CFDP1: variants seen among roughly 807,000 people sequenced by gnomAD.
The protein encoded by CFDP1 is heterochromatin-stabilizing protein CFDP1.
CFDP1 carries 31 observed loss-of-function variants against 40.1 expected under a neutral mutation model. The ratio of observed to expected loss-of-function variants is 0.77; its 90% CI spans 0.58 to 1.04. CFDP1 has a LOEUF of 1.04. CFDP1 is among the 50% of genes least tolerant of loss of function. The pLI, the probability that CFDP1 is intolerant of heterozygous loss-of-function variation, is 0.00. For synonymous variants in CFDP1, 167 were observed against 120.0 expected (o/e 1.39, Z -2.56); for missense variants, 423 against 343.4 (o/e 1.23, Z -1.83).
chr16:75,433,111 C>T (rs979773727), intron 1 of CFDP1, among the ~76,000 whole-genome samples, 178 bp downstream of exon 1: 1 of 152,210 alleles, frequency 6.6e-6, no homozygotes, highest in Non-Finnish European at 1.5e-5. Context: ...AACCGCCACG[C>T]GCACACGCCT....
chr16:75,409,792 G>A (rs568609657), intron 4 of CFDP1, among the ~76,000 whole-genome samples: 2 of 152,252 alleles, frequency 1.3e-5, no homozygotes, highest in Admixed American at 1.3e-4. Flanking sequence ...TTAACCAGTG[G>A]TGAATCTGGA....
At chr16:75,299,398 T>TA in intron 6 of CFDP1, among the ~76,000 whole-genome samples, 1 of 150,222 alleles carries the variant, frequency 6.7e-6, no homozygotes, top group Non-Finnish European at 1.5e-5. Context: ...CCATCCTGGT[T>TA]AACACGGTGA....
At chr16:75,328,624 C>T (rs1402929269) in intron 5 of CFDP1, among the ~76,000 whole-genome samples, 1 of 106,688 alleles carries the variant, frequency 9.4e-6, no homozygotes, top group African/African-American at 3.5e-5. Context: ...AAAAAAAAAA[C>T]TAGAGTGGAG....
intron 4 of CFDP1, among the ~76,000 whole-genome samples, chr16:75,406,046 A>G (rs987008384): frequency 6.6e-6 from 1 of 151,766 alleles, no homozygotes; most frequent in Non-Finnish European, 1.5e-5. Flanking sequence ...GGTCAGGACC[A>G]CCTTGGGCAA....
intron 2 of CFDP1, among the ~76,000 whole-genome samples, chr16:75,413,395 C>T (rs796451449): frequency 3.3e-5 from 5 of 151,886 alleles, no homozygotes; most frequent in African/African-American, 1.2e-4. Flanking sequence ...ACTTTCATCA[C>T]AACAAGATGA....
chr16:75,412,704 G>C lies in CFDP1; in HGVS notation c.233C>G (p.Ala78Gly). 3.1e-6 allele frequency: 5 copies of C among 1,613,838 alleles called. No homozygotes were observed. Among genetic ancestry groups the C allele is most frequent in the Non-Finnish European group, 4.2e-6 (5 of 1,179,996 alleles). Residue 78 changes from alanine (A) to glycine (G), a missense_variant, in exon 3 of 7, where the codon GCC becomes GGC. Transcript: ENST00000283882. ...ACTGCTTCCCTCAGATTCTGAATTGGCATCCTCCTCTTCCTCTTCTTCTAA... is the reference window on the plus strand; with the variant it reads ...ACTGCTTCCCTCAGATTCTGAATTGCCATCCTCCTCTTCCTCTTCTTCTAA... The part of the protein sequence containing the change: ...LSLEEEEEED[A>G]NSESEGSSSE...
At chr16:75,319,985 T>C (rs2078350651) in intron 5 of CFDP1, among the ~76,000 whole-genome samples, 1 of 152,240 alleles carries the variant, frequency 6.6e-6, no homozygotes, top group Non-Finnish European at 1.5e-5. Context: ...TAACCACAGC[T>C]GAGCCATCTG....
intron 3 of CFDP1, 110 bp downstream of exon 3, chr16:75,412,425 C>A: frequency 1.2e-6 from 1 of 836,144 alleles, no homozygotes. Flanking sequence ...TTGCTTTTCA[C>A]TTAGTACAAT....
At chr16:75,425,316 G>C (rs932414319) in intron 1 of CFDP1, among the ~76,000 whole-genome samples, 1 of 150,984 alleles carries the variant, frequency 6.6e-6, no homozygotes, top group East Asian at 1.9e-4. Context: ...GAACCTGGGA[G>C]GTAGAGGTTG....
At chr16:75,432,596 C>T (rs1251846281) in intron 1 of CFDP1, among the ~76,000 whole-genome samples, 1 of 152,012 alleles carries the variant, frequency 6.6e-6, no homozygotes, top group Non-Finnish European at 1.5e-5. Context: ...ATAGGGACGA[C>T]TCCTGGGTTG....
chr16:75,397,044 G>C (rs1293411554), intron 4 of CFDP1, among the ~76,000 whole-genome samples: 1 of 151,994 alleles, frequency 6.6e-6, no homozygotes, highest in Non-Finnish European at 1.5e-5. Context: ...CTCCCAAGCA[G>C]CTGGGACTAC....
intron 4 of CFDP1, among the ~76,000 whole-genome samples, chr16:75,408,870 T>G (rs1032867553): frequency 6.6e-6 from 1 of 152,080 alleles, no homozygotes; most frequent in Non-Finnish European, 1.5e-5. Flanking sequence ...TTTGTTTTTT[T>G]GTTTTGAGAC....
At chr16:75,368,533 C>T (rs2078731981) in intron 5 of CFDP1, among the ~76,000 whole-genome samples, 1 of 152,090 alleles carries the variant, frequency 6.6e-6, no homozygotes, top group Non-Finnish European at 1.5e-5. Context: ...GTAATGTCTA[C>T]CCGCAAAGAT....
At chr16:75,430,368 A>C (rs552057636) in intron 1 of CFDP1, among the ~76,000 whole-genome samples, 13 of 151,972 alleles carry the variant, frequency 8.6e-5, no homozygotes, top group African/African-American at 3.1e-4. Flanking sequence ...ACAGGGTTTC[A>C]CTATGTTGGC....
chr16:75,401,685 CTAAG>C (rs993732342), intron 4 of CFDP1, among the ~76,000 whole-genome samples: 1 of 152,072 alleles, frequency 6.6e-6, no homozygotes, highest in African/African-American at 2.4e-5. Context: ...ATCAAATGGC[CTAAG>C]TGATAGCTTA....
At chr16:75,410,777 T>C (rs34296964) in intron 4 of CFDP1, among the ~76,000 whole-genome samples, 78,286 of 150,660 alleles carry the variant, frequency 0.52, 21,342 homozygotes, top group Admixed American at 0.64. Context: ...GGCATGGTGG[T>C]GAGCACCTGT....
At chr16:75,362,210 T>C (rs965356854) in intron 5 of CFDP1, among the ~76,000 whole-genome samples, 3 of 152,168 alleles carry the variant, frequency 2.0e-5, no homozygotes, top group African/African-American at 7.2e-5. Flanking sequence ...GCAAAAAATA[T>C]CCTTCATACT....
At chr16:75,428,516 C>T (rs1172497809) in intron 1 of CFDP1, among the ~76,000 whole-genome samples, 1 of 151,828 alleles carries the variant, frequency 6.6e-6, no homozygotes, top group East Asian at 1.9e-4. Flanking sequence ...ACTCGAGAGG[C>T]TGAGGCAGGG....
At chr16:75,355,441 CAAT>C (rs1430834545) in intron 5 of CFDP1, among the ~76,000 whole-genome samples, 1 of 152,206 alleles carries the variant, frequency 6.6e-6, no homozygotes, top group Non-Finnish European at 1.5e-5. Context: ...GTCATTTCAA[CAAT>C]GTTGACAGCA....
Sources: gnomAD v4.1 joint callset for allele counts (sites outside exome capture counted in the v4.1 genomes callset) on GRCh38, gnomAD v4.1.1 for gene constraint, MANE v1.5 for transcripts, NCBI Gene and HGNC (gene_info 2026-07-23, HGNC 2026-07-21) for gene names.